Variants in CNTN5 observed in about 807,000 individuals in gnomAD.
The protein encoded by CNTN5 is contactin 5.
In CNTN5, 77 loss-of-function variants were observed where a neutral mutation model predicts 129.1. That is an observed-to-expected ratio of 0.60 (90% CI 0.50 to 0.72). The LOEUF is 0.72. Ranked by LOEUF, CNTN5 falls within the 30% of genes least tolerant of loss-of-function variation. CNTN5 has a pLI of 0.00. For synonymous variants in CNTN5, 509 were observed against 465.6 expected (o/e 1.09, Z -1.20); for missense variants, 1,478 against 1,328.8 (o/e 1.11, Z -1.75).
intron 3 of CNTN5, among the ~76,000 whole-genome samples, chr11:99,802,168 G>C (rs891133453): frequency 2.0e-5 from 3 of 152,108 alleles, no homozygotes; most frequent in African/African-American, 4.8e-5. Flanking sequence ...ATATTTTTCT[G>C]TCAACACGTT....
chr11:99,381,790 T>C (rs1016663377), intron 2 of CNTN5, among the ~76,000 whole-genome samples: 4 of 152,148 alleles, frequency 2.6e-5, no homozygotes, highest in African/African-American at 9.7e-5. Context: ...GGGCAGTGGT[T>C]CTCAAGCTTT....
chr11:100,261,407 A>G (rs1265133355), intron 17 of CNTN5, among the ~76,000 whole-genome samples: 1 of 152,196 alleles, frequency 6.6e-6, no homozygotes, highest in Non-Finnish European at 1.5e-5. Flanking sequence ...TCTCCTCATC[A>G]AGCTGTCATT....
chr11:99,322,108 G>T (rs543950390), intron 1 of CNTN5, among the ~76,000 whole-genome samples: 4 of 152,036 alleles, frequency 2.6e-5, no homozygotes, highest in Admixed American at 6.6e-5. Flanking sequence ...ACAGAATACC[G>T]CAGACTGGTT....
chr11:99,887,911 C>G (rs894747672), intron 6 of CNTN5, among the ~76,000 whole-genome samples: 1 of 152,188 alleles, frequency 6.6e-6, no homozygotes, highest in Non-Finnish European at 1.5e-5. Context: ...TCCACTCACT[C>G]AAATGTTAAT....
At chr11:100,101,250 A>G (rs1182643781) in intron 13 of CNTN5, among the ~76,000 whole-genome samples, 1 of 152,114 alleles carries the variant, frequency 6.6e-6, no homozygotes, top group South Asian at 2.1e-4. Context: ...TTTCAAAAGT[A>G]GCATTCATGC....
At chr11:99,898,668 G>C (rs1447474238) in intron 6 of CNTN5, among the ~76,000 whole-genome samples, 1 of 151,804 alleles carries the variant, frequency 6.6e-6, no homozygotes, top group Non-Finnish European at 1.5e-5. Context: ...AATATTCCTA[G>C]AAATTATGTA....
intron 3 of CNTN5, among the ~76,000 whole-genome samples, chr11:99,677,909 AC>A (rs940338065): frequency 2.8e-4 from 43 of 152,184 alleles, no homozygotes; most frequent in African/African-American, 1.0e-3. Flanking sequence ...CCTTTTCATT[AC>A]CGCTTTTGCC....
At chr11:99,330,692 C>T (rs909860699) in intron 2 of CNTN5, among the ~76,000 whole-genome samples, 9 of 152,006 alleles carry the variant, frequency 5.9e-5, no homozygotes, top group Admixed American at 3.3e-4. Flanking sequence ...GTATCATATG[C>T]CTCAGTGCTG....
chr11:99,923,732 A>T (rs529391591), intron 7 of CNTN5, among the ~76,000 whole-genome samples: 1 of 149,148 alleles, frequency 6.7e-6, no homozygotes, highest in South Asian at 2.1e-4. Flanking sequence ...CCTCACCAAT[A>T]TCTGTCTATC....
intron 8 of CNTN5, among the ~76,000 whole-genome samples, chr11:99,965,427 C>T (rs1440384498): frequency 6.6e-6 from 1 of 152,002 alleles, no homozygotes; most frequent in Non-Finnish European, 1.5e-5. Context: ...ACCCAGTAGT[C>T]ATTCAGGAGC....
chr11:99,118,950 T>G (rs1591222441), intron 1 of CNTN5, among the ~76,000 whole-genome samples: 1 of 152,130 alleles, frequency 6.6e-6, no homozygotes, highest in Middle Eastern at 3.4e-3. Context: ...GATAATATTT[T>G]AATTATGGTA....
intron 3 of CNTN5, among the ~76,000 whole-genome samples, chr11:99,784,066 G>A (rs1000810449): frequency 1.3e-5 from 2 of 152,122 alleles, no homozygotes; most frequent in African/African-American, 4.8e-5. Flanking sequence ...TCAAATGTAT[G>A]TACACATAGT....
chr11:99,913,687 T>A (rs1350669219), intron 6 of CNTN5, among the ~76,000 whole-genome samples: 1 of 152,056 alleles, frequency 6.6e-6, no homozygotes, highest in Non-Finnish European at 1.5e-5. Flanking sequence ...TTTGTGTGTT[T>A]AATTTCTAGG....
chr11:99,305,720 C>T (rs11827991), intron 1 of CNTN5, among the ~76,000 whole-genome samples: 7,832 of 152,090 alleles, frequency 0.051, 650 homozygotes, highest in African/African-American at 0.18. Context: ...GTGGCTCACA[C>T]CTGTAATCCC....
intron 16 of CNTN5, among the ~76,000 whole-genome samples, chr11:100,229,006 G>A (rs970517163): frequency 3.9e-5 from 6 of 152,048 alleles, no homozygotes; most frequent in African/African-American, 1.4e-4. Flanking sequence ...ACAGGGCCCC[G>A]AACTTGCAAG....
intron 7 of CNTN5, among the ~76,000 whole-genome samples, chr11:99,945,021 G>A (rs10047441): frequency 0.15 from 22,138 of 151,986 alleles, 2,098 homozygotes; most frequent in African/African-American, 0.26. Context: ...TTTGAGAATC[G>A]CCCAATGTAA....
At chr11:99,828,387 G>C (rs1947034958) in intron 4 of CNTN5, among the ~76,000 whole-genome samples, 1 of 152,166 alleles carries the variant, frequency 6.6e-6, no homozygotes, top group African/African-American at 2.4e-5. Context: ...CTGATACAAA[G>C]TGCTAGAATC....
chr11:99,545,396 C>A (rs1948257222), intron 2 of CNTN5, among the ~76,000 whole-genome samples: 1 of 152,150 alleles, frequency 6.6e-6, no homozygotes, highest in Non-Finnish European at 1.5e-5. Flanking sequence ...TTAAGTAAAT[C>A]ATTAAAAGCC....
intron 3 of CNTN5, among the ~76,000 whole-genome samples, chr11:99,817,128 C>A (rs191179721): frequency 1.3e-5 from 2 of 152,140 alleles, no homozygotes; most frequent in African/African-American, 4.8e-5. Flanking sequence ...CCCACTAGAT[C>A]GTAGCTCCTT....
Sources: allele counts gnomAD v4.1 joint callset (sites outside exome capture counted in the v4.1 genomes callset), GRCh38; gene constraint gnomAD v4.1.1; transcripts MANE v1.5; gene names NCBI Gene and HGNC (gene_info 2026-07-23, HGNC 2026-07-21).